DBN1: variants seen among roughly 807,000 people sequenced by gnomAD.
The protein encoded by DBN1 is drebrin 1.
In DBN1, 21 loss-of-function variants were observed where a neutral mutation model predicts 83.5. That is an observed-to-expected ratio of 0.25 (90% CI 0.18 to 0.36). The LOEUF (loss-of-function observed/expected upper bound fraction) is 0.36. Among genes scored for constraint, DBN1 ranks in the 10% least tolerant of loss-of-function variants. The probability of loss-of-function intolerance (pLI) is 1.00; values close to 1 mark genes in which losing one functional copy is unlikely to be tolerated. For synonymous variants in DBN1, 381 were observed against 384.9 expected (o/e 0.99, Z 0.12); for missense variants, 874 against 935.7 (o/e 0.93, Z 0.86).
chr5:177,459,900 C>G (rs1350747026), intron 10 of DBN1, among the ~76,000 whole-genome samples, 160 bp from the exon 11 acceptor site: 1 of 152,174 alleles, frequency 6.6e-6, no homozygotes, highest in African/African-American at 2.4e-5. Flanking sequence ...AGCCTCACAC[C>G]AGCCCCAGAC....
chr5:177,459,881 G>T, intron 10 of DBN1, 141 bp from the exon 11 acceptor site: 2 of 914,922 alleles, frequency 2.2e-6, no homozygotes, highest in Non-Finnish European at 3.1e-6. Flanking sequence ...AATCAGCCAA[G>T]CCAGCCGCAG....
Position 177,460,722 on chromosome 5 carries a change from G to T in DBN1, c.772-19C>A, listed in dbSNP as rs764320348. ...GGTCACCCTAGAAACCAAAGGGACA[G>T]TGTCTGGTGCACCTACCCCCCACAG... On this transcript the variant is annotated intron_variant, in intron 8 of 14. Transcript: ENST00000393565. 1.9e-6 allele frequency: 3 copies of T among 1,612,900 alleles called. No individual in the cohort carries two copies. Among genetic ancestry groups the T allele is most frequent in the Non-Finnish European group, 2.5e-6 (3 of 1,179,434 alleles).
Position 177,460,418 on chromosome 5 carries a change from G to C in DBN1, c.955+14C>G. 1 of 1,613,076 alleles carries C rather than the reference G, an allele frequency of 6.2e-7. No individual in the cohort carries two copies. Among genetic ancestry groups the C allele is most frequent in the Non-Finnish European group, 8.5e-7 (1 of 1,179,854 alleles). On this transcript the variant is annotated intron_variant, in intron 10 of 14. Coordinates refer to ENST00000393565, the MANE Select transcript of DBN1 (RefSeq NM_001363541.2). ...GAGGAGTGGGGCCGGACGGGGGGTG[G>C]GGCCTAGGACTACCTGGTCGATGGT...
intron 13 of DBN1, 39 bp downstream of exon 13, chr5:177,458,019 C>T (rs748781747): frequency 1.2e-6 from 2 of 1,612,594 alleles, no homozygotes; most frequent in African/African-American, 1.3e-5. Context: ...TCAGCCCCCA[C>T]TCCCTCCCAT....
rs1057480380 is a variant in DBN1 at position 177,466,311 on chromosome 5, G to C, written c.771+461C>G. On this transcript the variant is annotated intron_variant, in intron 8 of 14. Coordinates refer to ENST00000393565, the MANE Select transcript of DBN1 (RefSeq NM_001363541.2). The surrounding 1 kb of genome is among the most constrained non-coding windows in gnomAD (Gnocchi z 4.8). ...CTACGGGCCATTCCCAATGTGTGGAGATTCAGACAGTACCCCTGGAACAAA... is the reference window on the plus strand; with the variant it reads ...CTACGGGCCATTCCCAATGTGTGGACATTCAGACAGTACCCCTGGAACAAA... Among the ~76,000 whole-genome samples, 1 of 152,252 alleles carries C rather than the reference G, an allele frequency of 6.6e-6. No individual in the cohort carries two copies.
chr5:177,461,087 T>C (rs995651692), intron 8 of DBN1, among the ~76,000 whole-genome samples: 3 of 141,660 alleles, frequency 2.1e-5, no homozygotes, highest in Non-Finnish European at 3.1e-5. Context: ...CCCGGCCTTC[T>C]GGCCTTCTTT....
chr5:177,461,942 T>C (rs1757071909), intron 8 of DBN1, among the ~76,000 whole-genome samples: 1 of 152,206 alleles, frequency 6.6e-6, no homozygotes, highest in Non-Finnish European at 1.5e-5. Context: ...GGAACTTTCA[T>C]ACTGAGATGA....
chr5:177,458,984 C>T, intron 12 of DBN1, 114 bp downstream of exon 12: 1 of 1,499,244 alleles, frequency 6.7e-7, no homozygotes, highest in Non-Finnish European at 8.9e-7. Context: ...CAGGGCAGTG[C>T]AGTCTTGGTG....
intron 10 of DBN1, 132 bp from the exon 11 acceptor site, chr5:177,459,872 A>C: frequency 1.9e-6 from 2 of 1,041,536 alleles, no homozygotes; most frequent in Non-Finnish European, 2.6e-6. Context: ...CAGGGGCACA[A>C]TCAGCCAAGC....
In DBN1 at chr5:177,457,542, A is replaced by C. The variant is rs756677120; in HGVS notation, c.2018-39T>G. On this transcript the variant is annotated intron_variant, in intron 14 of 14. Transcript: ENST00000393565. ...AAGGGAGAGGAGTTAGGGACCTAGC[A>C]GACCGCTTGTGTCCCCAGCCTCTGT... 2.4e-5 allele frequency: 38 copies of C among 1,594,444 alleles called. No individual in the cohort carries two copies. The Admixed American group carries it at 6.0e-4, about 25-fold the overall frequency.
At position 177,460,398 on chromosome 5, in the gene DBN1, G is replaced by A. The variant is rs371961802; in HGVS notation, c.955+34C>T. The stretch of plus-strand genomic sequence containing the variant: ...GAGGCTCAGGGCCGCAACCTGAGGA[G>A]TGGGGCCGGACGGGGGGTGGGGCCT... On this transcript the variant is annotated intron_variant, in intron 10 of 14. Coordinates refer to ENST00000393565, the MANE Select transcript of DBN1 (RefSeq NM_001363541.2). 28 of 1,612,430 alleles carry A rather than the reference G, an allele frequency of 1.7e-5. No homozygotes were observed. The African/African-American group carries it at 3.5e-4, about 20-fold the overall frequency.
intron 1 of DBN1, among the ~76,000 whole-genome samples, chr5:177,469,785 C>A (rs1054572758): frequency 5.3e-5 from 8 of 152,192 alleles, no homozygotes; most frequent in Admixed American, 2.0e-4. Context: ...CCCATGCAGG[C>A]CCAGGCTGAG....
intron 1 of DBN1, chr5:177,472,780 GCCT>G: frequency 1.0e-6 from 1 of 986,402 alleles, no homozygotes; most frequent in Non-Finnish European, 1.2e-6. Context: ...GCTCACCCCT[GCCT>G]CCTCCGCGAC....
At chr5:177,472,031 C>T (rs1757879133) in intron 1 of DBN1, 2 of 1,455,984 alleles carry the variant, frequency 1.4e-6, no homozygotes, top group Non-Finnish European at 1.8e-6. Flanking sequence ...AGAGCTCCTC[C>T]CATGATCTCA....
Position 177,467,230 on chromosome 5 carries a change from C to T in DBN1, c.555+25G>A. On this transcript the variant is annotated intron_variant, in intron 6 of 14. Transcript: ENST00000393565. The surrounding 1 kb of genome is among the most constrained non-coding windows in gnomAD (Gnocchi z 9.1). Reference sequence around the variant, plus strand: ...ATGGGGTCCATGAGGGGTGGCTCAGCCAGGCCGGGCTCAGGGTTCCATACC... The same window carrying T: ...ATGGGGTCCATGAGGGGTGGCTCAGTCAGGCCGGGCTCAGGGTTCCATACC... The T allele has an allele frequency of 6.2e-7, 1 of 1,613,864 alleles. No individual in the cohort carries two copies. Among genetic ancestry groups the T allele is most frequent in the South Asian group, 1.1e-5 (1 of 91,070 alleles).
chr5:177,458,540 G>C lies in DBN1; in HGVS notation c.1432C>G (p.Leu478Val). 6.2e-7 allele frequency: 1 copy of C among 1,614,190 alleles called. No homozygotes were observed. Among genetic ancestry groups the C allele is most frequent in the South Asian group, 1.1e-5 (1 of 91,086 alleles). The change falls in exon 13 of 15, where the codon CTG (leucine) becomes GTG (valine). Residue 478 changes from leucine (L) to valine (V), a missense_variant. This residue lies in a region of DBN1 where 725 missense variants were observed against 719.7 expected (regional missense o/e 1.01). Transcript: ENST00000393565. ...GTGGCAGGCTCCACGGGAGCAGCCA[G>C]GACAGCCTGCTCTGCAGACTCCATG... The part of the protein sequence containing the change: ...MFMESAEQAV[L>V]AAPVEPATAD...
Position 177,457,324 on chromosome 5 carries a change from A to T in DBN1, c.*109T>A. The stretch of plus-strand genomic sequence containing the variant: ...GTCCCCAGCCAGGGCCGGAATCCGG[A>T]GTGGGTGCCAGGCGGAGCTGCTGCG... On this transcript the variant is annotated 3_prime_UTR_variant, in exon 15 of 15. Transcript: ENST00000393565. 1.1e-6 allele frequency: 1 copy of T among 889,894 alleles called. No individual in the cohort carries two copies. The highest frequency in any genetic ancestry group is 1.4e-5 in the South Asian group (1 of 72,736). 55.1% of individuals were successfully genotyped at this position (889,894 alleles called of 1,614,324 possible). A position where few individuals can be genotyped will look rare whatever the true frequency, so the allele number is the denominator to read the frequency against.
At chr5:177,460,737 A>AC in intron 8 of DBN1, 34 bp from the exon 9 acceptor site, 2 of 1,607,490 alleles carry the variant, frequency 1.2e-6, no homozygotes, top group Non-Finnish European at 1.7e-6. Context: ...TGGTGCACCT[A>AC]CCCCCCACAG....
In DBN1 at chr5:177,472,458, T is replaced by C. The variant is rs770725979; in HGVS notation, c.86+978A>G. 2.1e-4 allele frequency: 270 copies of C among 1,296,720 alleles called. 1 individual carries two copies. Among genetic ancestry groups the C allele is most frequent in the Non-Finnish European group, 1.7e-4 (176 of 1,020,614 alleles). 80.3% of individuals were successfully genotyped at this position (1,296,720 alleles called of 1,614,324 possible). A position where few individuals can be genotyped will look rare whatever the true frequency, so the allele number is the denominator to read the frequency against. On this transcript the variant is annotated intron_variant, in intron 1 of 14. Transcript: ENST00000393565. ...CCAGGATGGGGCTGTGAGGAACCCC[T>C]CGGTTTCCTTTTTCCACCACCCTGG...
Sources: allele counts gnomAD v4.1 joint callset (sites outside exome capture counted in the v4.1 genomes callset), GRCh38; gene constraint gnomAD v4.1.1; regional missense constraint gnomAD v4.1.1; non-coding constraint Gnocchi (gnomAD v3.1); transcripts MANE v1.5; gene names NCBI Gene and HGNC (gene_info 2026-07-23, HGNC 2026-07-21).